The following TTC27 variants were observed in gnomAD, a reference collection of about 807,000 sequenced individuals.
The protein encoded by TTC27 is tetratricopeptide repeat domain 27.
Under a neutral mutation model 115.9 loss-of-function variants are expected in TTC27, and 79 were observed. The observed-to-expected ratio is 0.68, with a 90% CI of 0.57 to 0.82. The LOEUF (loss-of-function observed/expected upper bound fraction) is 0.82. Ranked by LOEUF, TTC27 falls within the 40% of genes least tolerant of loss-of-function variation. The probability of loss-of-function intolerance (pLI) is 0.00; values close to 1 mark genes in which losing one functional copy is unlikely to be tolerated. For missense variants in TTC27, 1,054 were observed against 993.1 expected, an observed-to-expected ratio of 1.06 and a Z score of -0.82; for synonymous variants, 401 against 356.0, an observed-to-expected ratio of 1.13 and a Z score of -1.42.
At chr2:32,695,959 A>AT (rs1257687475) in intron 9 of TTC27, among the ~76,000 whole-genome samples, 1 of 150,888 alleles carries the variant, frequency 6.6e-6, no homozygotes, top group African/African-American at 2.4e-5. Context: ...AAATAAACAA[A>AT]TAAAAATACG....
At chr2:32,756,235 C>A (rs1669228020) in intron 12 of TTC27, among the ~76,000 whole-genome samples, 1 of 152,218 alleles carries the variant, frequency 6.6e-6, no homozygotes, top group Non-Finnish European at 1.5e-5. Context: ...GACGTGGGTA[C>A]CATACCGTCA....
chr2:32,749,172 C>T (rs186295605), intron 12 of TTC27, among the ~76,000 whole-genome samples: 1 of 152,274 alleles, frequency 6.6e-6, no homozygotes, highest in East Asian at 1.9e-4. Context: ...CCACCTCAGG[C>T]AGCTGCAAAA....
intron 12 of TTC27, among the ~76,000 whole-genome samples, chr2:32,747,551 A>G (rs956947349): frequency 3.9e-5 from 6 of 152,312 alleles, no homozygotes; most frequent in African/African-American, 1.4e-4. Context: ...CCAAATGTGT[A>G]TTGCTATGGT....
chr2:32,711,205 A>G (rs1350522331), intron 10 of TTC27, among the ~76,000 whole-genome samples: 1 of 151,574 alleles, frequency 6.6e-6, no homozygotes, highest in East Asian at 1.9e-4. Flanking sequence ...CATTGGCCTT[A>G]CTATATTTGG....
At chr2:32,681,035 T>C (rs1223756026) in intron 9 of TTC27, among the ~76,000 whole-genome samples, 1 of 152,122 alleles carries the variant, frequency 6.6e-6, no homozygotes, top group African/African-American at 2.4e-5. Context: ...GTTTTGTGCT[T>C]CTCCGCTCAG....
intron 12 of TTC27, 50 bp from the exon 13 acceptor site, chr2:32,758,242 A>G: frequency 1.3e-6 from 2 of 1,535,514 alleles, no homozygotes; most frequent in African/African-American, 2.8e-5. Context: ...TAAAAAAAAA[A>G]ATAGCAGTTA....
chr2:32,807,668 C>G (rs1671176941), intron 16 of TTC27, among the ~76,000 whole-genome samples: 1 of 152,020 alleles, frequency 6.6e-6, no homozygotes, highest in African/African-American at 2.4e-5. Context: ...TAATAATCGT[C>G]TTGGTTTTTA....
chr2:32,768,128 C>T (rs539661673), intron 13 of TTC27, among the ~76,000 whole-genome samples: 2 of 152,180 alleles, frequency 1.3e-5, no homozygotes, highest in East Asian at 3.9e-4. Context: ...AATTTTAATT[C>T]TGTAATAGAT....
At chr2:32,775,822 C>T (rs561582297) in intron 13 of TTC27, among the ~76,000 whole-genome samples, 41 of 152,206 alleles carry the variant, frequency 2.7e-4, no homozygotes, top group African/African-American at 9.4e-4. Flanking sequence ...TACACTTTAA[C>T]ATTGATGAAA....
chr2:32,779,935 CAAAA>C (rs1670119271), intron 14 of TTC27: 1 of 264,332 alleles, frequency 3.8e-6, no homozygotes, highest in African/African-American at 2.2e-5. Flanking sequence ...TCACTCTGGT[CAAAA>C]ATCAGTTTAC....
chr2:32,726,201 G>T lies in TTC27; in HGVS notation c.1234-7627G>T, dbSNP rs189177083. On this transcript the variant is annotated intron_variant, in intron 10 of 19. Coordinates refer to ENST00000317907, the MANE Select transcript of TTC27 (RefSeq NM_017735.5). ...TCTTGGGGATTAACATTCGGCTCCTGGTTACTTATGCAAATTTCTGCAGCT... is the reference window on the plus strand; with the variant it reads ...TCTTGGGGATTAACATTCGGCTCCTTGTTACTTATGCAAATTTCTGCAGCT... Among the ~76,000 whole-genome samples the T allele has an allele frequency of 2.3e-3, 345 of 152,298 alleles. 1 individual carries two copies. The highest frequency in any genetic ancestry group is 8.1e-3 in the African/African-American group (335 of 41,558).
chr2:32,786,375 G>A (rs1410631570), intron 15 of TTC27, among the ~76,000 whole-genome samples: 1 of 151,984 alleles, frequency 6.6e-6, no homozygotes, highest in Non-Finnish European at 1.5e-5. Context: ...CTGACCTCAG[G>A]TGATCCACCC....
intron 1 of TTC27, among the ~76,000 whole-genome samples, chr2:32,629,036 A>C (rs111857322): frequency 0.044 from 6,628 of 152,124 alleles, 218 homozygotes; most frequent in African/African-American, 0.1. Context: ...CTGGGATTAC[A>C]GGCCTGAGCC....
Position 32,713,208 on chromosome 2 carries a change from A to G in TTC27, c.1233+10288A>G, listed in dbSNP as rs114961927. On this transcript the variant is annotated intron_variant, in intron 10 of 19. Transcript: ENST00000317907. ...AAGAAATAAAATCTCTGCTCGTTAT[A>G]GGTGACCCAATCCTAATATTCTATT... Among the ~76,000 whole-genome samples, 1,419 of 152,306 alleles carry G rather than the reference A, an allele frequency of 9.3e-3. 10 individuals carry two copies. Among genetic ancestry groups the G allele is most frequent in the Middle Eastern group, 0.024 (7 of 294 alleles).
intron 12 of TTC27, among the ~76,000 whole-genome samples, chr2:32,750,762 T>C (rs1228581642): frequency 6.6e-6 from 1 of 152,254 alleles, no homozygotes; most frequent in Non-Finnish European, 1.5e-5. Context: ...ATTTGTTTAA[T>C]AGATGAATTC....
In TTC27 at chr2:32,681,978, ATATGTGTGTGTGTG is replaced by A. The variant is rs1463278850; in HGVS notation, c.1119+3058_1119+3071del. Among the ~76,000 whole-genome samples the A allele has an allele frequency of 3.6e-3, 496 of 137,886 alleles. 3 individuals carry two copies. Among genetic ancestry groups the A allele is most frequent in the Middle Eastern group, 0.011 (3 of 272 alleles). The allele number at this position is 137,886 out of a possible 152,430, so 90.5% of individuals were successfully genotyped here. ...TATAATTATTTATATATATGTATAT[ATATGTGTGTGTGTG>A]TGTGTGTGTGTGTGTGTGTGTGTGT... On this transcript the variant is annotated intron_variant, in intron 9 of 19. Transcript: ENST00000317907.
intron 13 of TTC27, among the ~76,000 whole-genome samples, chr2:32,770,950 T>C (rs191490432): frequency 6.6e-6 from 1 of 152,302 alleles, no homozygotes; most frequent in East Asian, 1.9e-4. Context: ...TTCTTTCCTT[T>C]TTATTTTTCC....
intron 5 of TTC27, among the ~76,000 whole-genome samples, chr2:32,656,837 G>A (rs547119690): frequency 2.8e-4 from 42 of 152,092 alleles, no homozygotes; most frequent in Admixed American, 1.4e-3. Context: ...TTGGTCAATG[G>A]CACACAATTT....
intron 4 of TTC27, among the ~76,000 whole-genome samples, chr2:32,649,114 G>A (rs7581602): frequency 0.013 from 1,933 of 152,274 alleles, 46 homozygotes; most frequent in African/African-American, 0.044. Context: ...CCAATATGAT[G>A]CCAACTTCTA....
Sources: gnomAD v4.1 joint callset for allele counts (sites outside exome capture counted in the v4.1 genomes callset) on GRCh38, gnomAD v4.1.1 for gene constraint, MANE v1.5 for transcripts, NCBI Gene and HGNC (gene_info 2026-07-23, HGNC 2026-07-21) for gene names.